UNC5D: variants seen among roughly 807,000 people sequenced by gnomAD.
The protein encoded by UNC5D is unc-5 netrin receptor D.
UNC5D carries 39 observed loss-of-function variants against 105.4 expected under a neutral mutation model. The ratio of observed to expected loss-of-function variants is 0.37; its 90% CI spans 0.29 to 0.48. The LOEUF is 0.48. Among genes scored for constraint, UNC5D ranks in the 20% least tolerant of loss-of-function variants. The probability of loss-of-function intolerance (pLI) is 0.98; values close to 1 mark genes in which losing one functional copy is unlikely to be tolerated. For synonymous variants in UNC5D, 452 were observed against 450.4 expected (o/e 1.00, Z -0.04); for missense variants, 991 against 1,202.4 (o/e 0.82, Z 2.60).
intron 1 of UNC5D, among the ~76,000 whole-genome samples, chr8:35,530,201 T>C (rs1814239244): frequency 6.6e-6 from 1 of 151,506 alleles, no homozygotes; most frequent in African/African-American, 2.4e-5. Context: ...ATAGCTCTTA[T>C]TATTTTGAAA....
chr8:35,654,172 G>A (rs1004508968), intron 4 of UNC5D, among the ~76,000 whole-genome samples: 1 of 152,020 alleles, frequency 6.6e-6, no homozygotes, highest in African/African-American at 2.4e-5. Flanking sequence ...ACCTTTTGGG[G>A]TATAAGTGAG....
intron 1 of UNC5D, among the ~76,000 whole-genome samples, chr8:35,473,524 T>A (rs1809883658): frequency 6.6e-6 from 1 of 152,154 alleles, no homozygotes; most frequent in Non-Finnish European, 1.5e-5. Context: ...CTTAATATAT[T>A]TTTTATGTTG....
intron 8 of UNC5D, among the ~76,000 whole-genome samples, chr8:35,720,452 G>C (rs1586524411): frequency 1.3e-5 from 2 of 152,206 alleles, no homozygotes; most frequent in African/African-American, 4.8e-5. Context: ...GAGGAAAAAT[G>C]CTAGTTGGTT....
intron 4 of UNC5D, among the ~76,000 whole-genome samples, chr8:35,678,237 C>G (rs1411264121): frequency 2.6e-5 from 4 of 152,132 alleles, no homozygotes; most frequent in Non-Finnish European, 2.9e-5. Flanking sequence ...TGCAGTGGAC[C>G]TGGCATGACC....
rs143408256 is a variant in UNC5D at position 35,252,900 on chromosome 8, T to G, written c.103+17013T>G. Among the ~76,000 whole-genome samples the G allele has an allele frequency of 3.8e-4, 58 of 152,340 alleles. No individual in the cohort carries two copies. In the South Asian group the frequency reaches 4.1e-3, roughly 11 times the overall value. On this transcript the variant is annotated intron_variant, in intron 1 of 16. Transcript: ENST00000404895. ...CATTTGATATTTCCAGGCCTAGTGA[T>G]TTCCAGTCATTTACTGGATATAATA...
At chr8:35,582,510 T>C (rs888570568) in intron 3 of UNC5D, among the ~76,000 whole-genome samples, 2 of 152,198 alleles carry the variant, frequency 1.3e-5, no homozygotes, top group Admixed American at 6.6e-5. Flanking sequence ...TTCCACTCAG[T>C]TGTTCTGTGA....
intron 16 of UNC5D, among the ~76,000 whole-genome samples, chr8:35,777,750 TTA>T (rs2131754622): frequency 6.6e-6 from 1 of 152,312 alleles, no homozygotes; most frequent in South Asian, 2.1e-4. Context: ...CCTATTTGGA[TTA>T]TAGTCTGCAG....
intron 4 of UNC5D, among the ~76,000 whole-genome samples, chr8:35,631,284 A>G (rs879274890): frequency 1.3e-5 from 2 of 150,952 alleles, no homozygotes; most frequent in African/African-American, 2.4e-5. Context: ...ACTGCACTCC[A>G]GCCTGGGCAA....
chr8:35,438,446 T>A (rs182794513), intron 1 of UNC5D, among the ~76,000 whole-genome samples: 8 of 152,134 alleles, frequency 5.3e-5, no homozygotes, highest in Non-Finnish European at 1.2e-4. Context: ...TTTGGAGAGT[T>A]TAATGGGGCA....
At chr8:35,324,525 A>AT (rs1221909442) in intron 1 of UNC5D, among the ~76,000 whole-genome samples, 1 of 152,134 alleles carries the variant, frequency 6.6e-6, no homozygotes, top group Non-Finnish European at 1.5e-5. Context: ...TAGATTTTAC[A>AT]TTTTTTATTG....
At chr8:35,344,976 T>A (rs1811702649) in intron 1 of UNC5D, among the ~76,000 whole-genome samples, 1 of 152,014 alleles carries the variant, frequency 6.6e-6, no homozygotes, top group South Asian at 2.1e-4. Flanking sequence ...ATATTAGTAA[T>A]CTAAACATGT....
intron 1 of UNC5D, among the ~76,000 whole-genome samples, chr8:35,468,377 T>C (rs1189576621): frequency 4.6e-5 from 7 of 152,196 alleles, no homozygotes; most frequent in Non-Finnish European, 1.0e-4. Context: ...GGTAAAATAA[T>C]GCATTGTTGT....
chr8:35,716,222 C>T (rs1461758857), intron 8 of UNC5D, among the ~76,000 whole-genome samples: 1 of 152,162 alleles, frequency 6.6e-6, no homozygotes, highest in African/African-American at 2.4e-5. Context: ...TACTAACTTA[C>T]TTGACAATGC....
chr8:35,477,416 C>G (rs572619589), intron 1 of UNC5D, among the ~76,000 whole-genome samples: 27 of 151,596 alleles, frequency 1.8e-4, no homozygotes, highest in African/African-American at 6.5e-4. Context: ...GTTTTAAAAT[C>G]AGCATCACAT....
intron 1 of UNC5D, among the ~76,000 whole-genome samples, chr8:35,370,518 G>A (rs1223441386): frequency 6.6e-6 from 1 of 152,100 alleles, no homozygotes; most frequent in African/African-American, 2.4e-5. Context: ...TGAGAAAATG[G>A]TAATTTTCCT....
Position 35,533,001 on chromosome 8 carries a change from C to T in UNC5D, c.104-16291C>T, listed in dbSNP as rs1423833983. On this transcript the variant is annotated intron_variant, in intron 1 of 16. Coordinates refer to ENST00000404895, the MANE Select transcript of UNC5D (RefSeq NM_080872.4). ...TTTGCCTTTGGTTTGAATGTCCTCC[C>T]GTAGCTCAGAGTAATTTGATCGTCT... Among the ~76,000 whole-genome samples the T allele has an allele frequency of 2.0e-4, 29 of 145,508 alleles. No individual in the cohort carries two copies. In the East Asian group the frequency reaches 2.4e-3, roughly 12 times the overall value.
intron 1 of UNC5D, among the ~76,000 whole-genome samples, chr8:35,524,627 G>T (rs1159158955): frequency 1.1e-5 from 1 of 90,498 alleles, no homozygotes; most frequent in African/African-American, 4.3e-5. Flanking sequence ...ACTAATTCAA[G>T]CCATGCCCTG....
chr8:35,424,311 T>A (rs572380659), intron 1 of UNC5D, among the ~76,000 whole-genome samples: 1 of 152,334 alleles, frequency 6.6e-6, no homozygotes, highest in Non-Finnish European at 1.5e-5. Context: ...TAATGATATA[T>A]TTAACATATA....
intron 1 of UNC5D, among the ~76,000 whole-genome samples, chr8:35,289,469 A>G (rs1451981287): frequency 6.6e-6 from 1 of 152,214 alleles, no homozygotes; most frequent in Non-Finnish European, 1.5e-5. Flanking sequence ...GAAAAGAAAC[A>G]CTGGAATTGA....
Sources: allele counts gnomAD v4.1 joint callset (sites outside exome capture counted in the v4.1 genomes callset), GRCh38; gene constraint gnomAD v4.1.1; transcripts MANE v1.5; gene names NCBI Gene and HGNC (gene_info 2026-07-23, HGNC 2026-07-21).